Variants in LPP observed in about 807,000 individuals in gnomAD.
The protein encoded by LPP is LIM domain containing preferred translocation partner in lipoma, also known as lipoma-preferred partner.
A neutral mutation model predicts 60.4 loss-of-function variants in LPP; 38 were observed. That is an observed-to-expected ratio of 0.63 (90% CI 0.49 to 0.83). The LOEUF (loss-of-function observed/expected upper bound fraction) is 0.83. Ranked by LOEUF, LPP falls within the 40% of genes least tolerant of loss-of-function variation. LPP has a pLI of 0.00. For synonymous variants in LPP, 328 were observed against 290.8 expected (o/e 1.13, Z -1.30); for missense variants, 902 against 783.6 (o/e 1.15, Z -1.80).
chr3:188,495,125 A>G (rs1454877956), intron 5 of LPP, among the ~76,000 whole-genome samples: 1 of 126,874 alleles, frequency 7.9e-6, no homozygotes, highest in East Asian at 2.5e-4. Context: ...ATTTATATTT[A>G]TATTTTATTA....
intron 6 of LPP, among the ~76,000 whole-genome samples, chr3:188,602,176 T>TATTA (rs1491164275): frequency 1.0e-5 from 1 of 99,480 alleles, no homozygotes; most frequent in Non-Finnish European, 2.5e-5. Flanking sequence ...TATATATATA[T>TATTA]TATATATATA....
At chr3:188,603,606 G>A (rs915156373) in intron 6 of LPP, among the ~76,000 whole-genome samples, 1 of 152,026 alleles carries the variant, frequency 6.6e-6, no homozygotes, top group African/African-American at 2.4e-5. Context: ...CAAAATGTTT[G>A]CACCAGGTAA....
At chr3:188,727,525 T>C (rs1718871424) in intron 8 of LPP, among the ~76,000 whole-genome samples, 1 of 152,200 alleles carries the variant, frequency 6.6e-6, no homozygotes, top group South Asian at 2.1e-4. Flanking sequence ...TGATATTTAT[T>C]TCATTCATAG....
chr3:188,257,498 G>A (rs1210788896), intron 2 of LPP, among the ~76,000 whole-genome samples: 2 of 152,260 alleles, frequency 1.3e-5, no homozygotes, highest in African/African-American at 4.8e-5. Context: ...ACAACTGAGG[G>A]AAAGGAACTG....
chr3:188,156,871 A>G (rs546866986), intron 1 of LPP, among the ~76,000 whole-genome samples: 1 of 150,064 alleles, frequency 6.7e-6, no homozygotes, highest in African/African-American at 2.5e-5. Flanking sequence ...GAAAAATAAT[A>G]TTATCAATTG....
chr3:188,335,422 G>A (rs1761368088), intron 2 of LPP, among the ~76,000 whole-genome samples: 1 of 152,072 alleles, frequency 6.6e-6, no homozygotes, highest in South Asian at 2.1e-4. Context: ...ATGTATTGGT[G>A]GATTCAGTTT....
chr3:188,496,130 CT>C (rs375294101), intron 5 of LPP, among the ~76,000 whole-genome samples: 12 of 148,508 alleles, frequency 8.1e-5, no homozygotes, highest in Admixed American at 1.3e-4. Context: ...AAATTGACGT[CT>C]TTTTTTTTTG....
At chr3:188,813,215 C>T (rs114501170) in intron 9 of LPP, among the ~76,000 whole-genome samples, 2,480 of 152,184 alleles carry the variant, frequency 0.016, 78 homozygotes, top group African/African-American at 0.056. Flanking sequence ...TATGAATGAA[C>T]CTACTGGACT....
chr3:188,260,522 C>G (rs1733209615), intron 2 of LPP, among the ~76,000 whole-genome samples: 6 of 151,920 alleles, frequency 3.9e-5, no homozygotes, highest in Admixed American at 3.9e-4. Flanking sequence ...ACCATTGTCA[C>G]TGATAGAAAT....
intron 9 of LPP, among the ~76,000 whole-genome samples, chr3:188,861,448 T>A (rs1765175152): frequency 6.6e-6 from 1 of 152,222 alleles, no homozygotes; most frequent in Non-Finnish European, 1.5e-5. Flanking sequence ...ATGGCAGTAA[T>A]CACTTTATAG....
intron 7 of LPP, among the ~76,000 whole-genome samples, chr3:188,646,787 C>T (rs1851184999): frequency 6.6e-6 from 1 of 152,224 alleles, no homozygotes; most frequent in Non-Finnish European, 1.5e-5. Context: ...CACAAGTTCC[C>T]TTTCTATCAC....
chr3:188,423,576 T>C (rs932114689), intron 4 of LPP, among the ~76,000 whole-genome samples: 1 of 152,202 alleles, frequency 6.6e-6, no homozygotes, highest in Non-Finnish European at 1.5e-5. Flanking sequence ...TGTAAAAGCA[T>C]TCTTATTTCT....
At chr3:188,593,458 C>T (rs1461510826) in intron 6 of LPP, among the ~76,000 whole-genome samples, 1 of 151,808 alleles carries the variant, frequency 6.6e-6, no homozygotes, top group East Asian at 1.9e-4. Flanking sequence ...TTTTATTTTT[C>T]CCTAAGTTAT....
intron 5 of LPP, among the ~76,000 whole-genome samples, chr3:188,513,647 T>G (rs988866022): frequency 1.3e-5 from 2 of 151,922 alleles, no homozygotes; most frequent in African/African-American, 2.4e-5. Context: ...TATTTTTATT[T>G]TATAAGGATT....
chr3:188,280,721 C>T (rs1741668891), intron 2 of LPP, among the ~76,000 whole-genome samples: 1 of 152,024 alleles, frequency 6.6e-6, no homozygotes. Context: ...TTAACCAGTT[C>T]CCGTTTTGTC....
At chr3:188,498,643 G>A (rs1241188529) in intron 5 of LPP, among the ~76,000 whole-genome samples, 1 of 152,076 alleles carries the variant, frequency 6.6e-6, no homozygotes, top group East Asian at 1.9e-4. Flanking sequence ...CACTCTTTTG[G>A]ACCCTGCTTT....
chr3:188,723,513 T>C (rs1717251708), intron 8 of LPP, among the ~76,000 whole-genome samples: 2 of 152,250 alleles, frequency 1.3e-5, no homozygotes, highest in South Asian at 4.2e-4. Context: ...GAACGTCTGG[T>C]CCCAGTGTCA....
Position 188,879,211 on chromosome 3 carries a change from A to G in LPP, c.*4732A>G. 1 of 231,118 alleles carries G rather than the reference A, an allele frequency of 4.3e-6. No homozygotes were observed. Among genetic ancestry groups the G allele is most frequent in the Non-Finnish European group, 8.6e-6 (1 of 116,722 alleles). The allele number at this position is 231,118 out of a possible 1,614,324, so 14.3% of individuals were successfully genotyped here. On this transcript the variant is annotated 3_prime_UTR_variant, in exon 12 of 12. Transcript: ENST00000617246. ...CAAACCTTAAAAAGTTACCTGACTG[A>G]AGCTACTATGACTTGGTAAGGATTC...
At chr3:188,827,510 G>C (rs1755890255) in intron 9 of LPP, among the ~76,000 whole-genome samples, 3 of 152,156 alleles carry the variant, frequency 2.0e-5, no homozygotes, top group African/African-American at 7.2e-5. Flanking sequence ...GTCCTACTCA[G>C]TTTCATTCTT....
Sources: allele counts gnomAD v4.1 joint callset (sites outside exome capture counted in the v4.1 genomes callset), GRCh38; gene constraint gnomAD v4.1.1; transcripts MANE v1.5; gene names NCBI Gene and HGNC (gene_info 2026-07-23, HGNC 2026-07-21).